COL4A5: variants seen among roughly 807,000 people sequenced by gnomAD.
The protein encoded by COL4A5 is collagen alpha-5(IV) chain.
Under a neutral mutation model 130.2 loss-of-function variants are expected in COL4A5, and 26 were observed. The observed-to-expected ratio is 0.20, with a 90% CI of 0.15 to 0.28. The LOEUF is 0.28. Ranked by LOEUF, COL4A5 falls within the 10% of genes least tolerant of loss-of-function variation. The probability of loss-of-function intolerance (pLI) is 1.00; values close to 1 mark genes in which losing one functional copy is unlikely to be tolerated. For missense variants in COL4A5, 1,131 were observed against 1,344.3 expected (o/e 0.84, Z 2.48); for synonymous variants, 496 against 439.6 (o/e 1.13, Z -1.60).
At position 108,668,520 on chromosome X, in the gene COL4A5, G is replaced by C. The variant is rs1268961726; in HGVS notation, c.3790+16G>C. On this transcript the variant is annotated intron_variant, in intron 41 of 52. Coordinates refer to ENST00000328300, the MANE Select transcript of COL4A5 (RefSeq NM_033380.3). The stretch of plus-strand genomic sequence containing the variant: ...GGGAGACCAGGTATGTCCGTGAGTG[G>C]TAGGAGAATGGTCTATTTATTAGTC... 8.8e-7 allele frequency: 1 copy of C among 1,131,264 alleles called. No homozygotes were observed. Among genetic ancestry groups the C allele is most frequent in the Non-Finnish European group, 1.2e-6 (1 of 852,477 alleles). 93.2% of individuals were successfully genotyped at this position (1,131,264 alleles called of 1,213,427 possible).
chrX:108,475,035 C>A (rs1049828932), intron 1 of COL4A5, among the ~76,000 whole-genome samples: 18 of 111,243 alleles, frequency 1.6e-4, no homozygotes, highest in Non-Finnish European at 3.4e-4. Flanking sequence ...TAGTGTGACA[C>A]CTCCTGCTTT....
intron 1 of COL4A5, among the ~76,000 whole-genome samples, chrX:108,531,709 T>G (rs747267319): frequency 9.0e-6 from 1 of 110,568 alleles, no homozygotes. Flanking sequence ...TGCTAGCTAG[T>G]CTAACCAAGA....
At chrX:108,637,626 AG>A (rs2067381262) in intron 36 of COL4A5, among the ~76,000 whole-genome samples, 3 of 111,968 alleles carry the variant, frequency 2.7e-5, no homozygotes, top group Admixed American at 1.9e-4. Context: ...CCAATCTTAC[AG>A]AACTAAAAAT....
intron 36 of COL4A5, among the ~76,000 whole-genome samples, chrX:108,633,819 A>G (rs2067307021): frequency 8.9e-6 from 1 of 111,842 alleles, no homozygotes; most frequent in African/African-American, 3.2e-5. Context: ...TGGCATTATT[A>G]TACCTTAAAA....
intron 1 of COL4A5, among the ~76,000 whole-genome samples, chrX:108,499,207 A>C (rs953364967): frequency 9.0e-6 from 1 of 111,689 alleles, no homozygotes; most frequent in African/African-American, 3.2e-5. Flanking sequence ...ATGAATGGAT[A>C]TTGAATTTTG....
intron 1 of COL4A5, among the ~76,000 whole-genome samples, chrX:108,534,053 A>G (rs897176632): frequency 9.1e-6 from 1 of 110,482 alleles, no homozygotes; most frequent in Non-Finnish European, 1.9e-5. Flanking sequence ...GATGTTGGCA[A>G]GGATAAAAAA....
intron 37 of COL4A5, among the ~76,000 whole-genome samples, chrX:108,659,285 T>A (rs1020528730): frequency 9.0e-6 from 1 of 111,372 alleles, no homozygotes; most frequent in Non-Finnish European, 1.9e-5. Context: ...TAACTATTAA[T>A]ACTTATTGAG....
At chrX:108,510,876 A>G (rs936209756) in intron 1 of COL4A5, among the ~76,000 whole-genome samples, 1 of 111,284 alleles carries the variant, frequency 9.0e-6, no homozygotes, top group African/African-American at 3.3e-5. Flanking sequence ...ATAATTGCAC[A>G]TATTCATGGG....
At chrX:108,623,521 A>G (rs1362739604) in intron 33 of COL4A5, among the ~76,000 whole-genome samples, 1 of 112,261 alleles carries the variant, frequency 8.9e-6, no homozygotes, top group Non-Finnish European at 1.9e-5. Flanking sequence ...ATCATTATAT[A>G]AAGCACTTGG....
At chrX:108,508,451 G>A (rs1365025027) in intron 1 of COL4A5, among the ~76,000 whole-genome samples, 2 of 106,998 alleles carry the variant, frequency 1.9e-5, no homozygotes, top group Non-Finnish European at 3.8e-5. Flanking sequence ...TCATTAAAAC[G>A]GCCACACTGC....
chrX:108,507,112 TG>T (rs1235198089), intron 1 of COL4A5, among the ~76,000 whole-genome samples: 1 of 108,535 alleles, frequency 9.2e-6, no homozygotes, highest in Non-Finnish European at 1.9e-5. Context: ...TTCTACCAGA[TG>T]TACAAAGAAG....
In COL4A5 at chrX:108,633,908, T is replaced by G. The variant is rs139847620; in HGVS notation, c.3246+7559T>G. Among the ~76,000 whole-genome samples, 630 of 111,897 alleles carry G rather than the reference T, an allele frequency of 5.6e-3. 3 individuals carry two copies. The highest frequency in any genetic ancestry group is 0.019 in the African/African-American group (590 of 30,905). ...GGTGATCTTTGCTTTTGCACAAATT[T>G]CAGTTATCATTACTTAACACCGATC... On this transcript the variant is annotated intron_variant, in intron 36 of 52. Transcript: ENST00000328300.
intron 1 of COL4A5, among the ~76,000 whole-genome samples, chrX:108,476,533 T>C (rs2064834942): frequency 9.8e-6 from 1 of 101,854 alleles, no homozygotes; most frequent in East Asian, 3.0e-4. Flanking sequence ...TTTTTTTTTT[T>C]TTTTTTTTTT....
chrX:108,519,049 T>A (rs2065244803), intron 1 of COL4A5, among the ~76,000 whole-genome samples: 1 of 111,586 alleles, frequency 9.0e-6, no homozygotes, highest in Admixed American at 9.5e-5. Context: ...GGAAATAGAT[T>A]AATTTCTAAT....
chrX:108,624,203 T>C, intron 33 of COL4A5, 33 bp from the exon 34 acceptor site: 2 of 1,110,787 alleles, frequency 1.8e-6, no homozygotes, highest in Non-Finnish European at 2.5e-6. Context: ...AATAATATCA[T>C]CCTAACTTGC....
chrX:108,550,159 C>A (rs908107938), intron 2 of COL4A5, among the ~76,000 whole-genome samples: 1 of 111,296 alleles, frequency 9.0e-6, no homozygotes, highest in African/African-American at 3.3e-5. Context: ...ATATTGAATG[C>A]CCTCCAATTA....
intron 41 of COL4A5, 96 bp from the exon 42 acceptor site, chrX:108,670,132 A>T: frequency 1.1e-6 from 1 of 947,288 alleles, no homozygotes; most frequent in South Asian, 2.1e-5. Flanking sequence ...ATTTAGTGTA[A>T]TGCTTTTTAG....
chrX:108,458,874 G>A (rs2064612487), intron 1 of COL4A5, among the ~76,000 whole-genome samples: 1 of 110,974 alleles, frequency 9.0e-6, no homozygotes, highest in African/African-American at 3.3e-5. Context: ...CAGCTACTGG[G>A]GAGGCTGAGG....
At chrX:108,594,844 C>A (rs1714349162) in intron 21 of COL4A5, among the ~76,000 whole-genome samples, 1 of 110,227 alleles carries the variant, frequency 9.1e-6, no homozygotes, top group Admixed American at 9.8e-5. Flanking sequence ...TATTTTAAAG[C>A]ATATTAAATA....
Sources: allele counts gnomAD v4.1 joint callset (sites outside exome capture counted in the v4.1 genomes callset), GRCh38; gene constraint gnomAD v4.1.1; transcripts MANE v1.5; gene names NCBI Gene and HGNC (gene_info 2026-07-23, HGNC 2026-07-21).